LMAN1: variants seen among roughly 807,000 people sequenced by gnomAD.
The protein encoded by LMAN1 is protein ERGIC-53.
LMAN1 carries 32 observed loss-of-function variants against 67.8 expected under a neutral mutation model. The ratio of observed to expected loss-of-function variants is 0.47; its 90% confidence interval spans 0.36 to 0.63. The LOEUF is 0.63. LMAN1 is among the 30% of genes least tolerant of loss of function. The probability of loss-of-function intolerance (pLI) is 0.00; values close to 1 mark genes in which losing one functional copy is unlikely to be tolerated. For synonymous variants in LMAN1, 235 were observed against 219.3 expected (o/e 1.07, Z -0.63); for missense variants, 632 against 628.2 (o/e 1.01, Z -0.06).
Position 59,349,228 on chromosome 18 carries a change from G to T in LMAN1, c.648C>A (p.Ile216=). The change falls in exon 6 of 13, where the codon ATC becomes ATA. Residue 216 remains isoleucine, a synonymous_variant. Transcript: ENST00000251047. ...TTTTATCTGGTGTAAAGCCATTATTGATCATTACCTAGAAAGACATATCAT... is the reference window on the plus strand; with the variant it reads ...TTTTATCTGGTGTAAAGCCATTATTTATCATTACCTAGAAAGACATATCAT... ...TYYQNTLTVM[I]NNGFTPDKND... is the part of the protein sequence containing the mutation. 6.2e-7 allele frequency: 1 copy of T among 1,612,330 alleles called. No individual in the cohort carries two copies. The highest frequency in any genetic ancestry group is 1.1e-5 in the South Asian group (1 of 91,006).
intron 10 of LMAN1, among the ~76,000 whole-genome samples, chr18:59,337,193 A>G (rs932221455): frequency 6.7e-6 from 1 of 148,762 alleles, no homozygotes; most frequent in African/African-American, 2.4e-5. Flanking sequence ...ATAACATATT[A>G]TAATATATAA....
chr18:59,336,169 T>A (rs41333750), intron 10 of LMAN1, among the ~76,000 whole-genome samples: 8 of 152,206 alleles, frequency 5.3e-5, no homozygotes, highest in African/African-American at 1.4e-4. Context: ...TCCCTAGCTC[T>A]GTCCAGTAAG....
At chr18:59,346,721 T>C (rs539860082) in intron 7 of LMAN1, among the ~76,000 whole-genome samples, 4 of 151,378 alleles carry the variant, frequency 2.6e-5, no homozygotes, top group East Asian at 2.0e-4. Flanking sequence ...GGTTTTGCCA[T>C]GTTGGTCAGG....
In LMAN1 at chr18:59,353,190, G is replaced by A. The variant is rs748761171; in HGVS notation, c.639+12C>T. On this transcript the variant is annotated intron_variant, in intron 5 of 12. Coordinates refer to ENST00000251047, the MANE Select transcript of LMAN1 (RefSeq NM_005570.4). ...TTGTTTATTTGATTCTCTCTAAATA[G>A]ATGTTACTTACTGTCAGTGTGTTCT... The A allele has an allele frequency of 1.1e-5, 18 of 1,577,774 alleles. No homozygotes were observed. Among genetic ancestry groups the A allele is most frequent in the Non-Finnish European group, 1.4e-5 (16 of 1,146,960 alleles).
chr18:59,357,427 TGTG>T (rs1236004584), intron 1 of LMAN1, among the ~76,000 whole-genome samples: 1 of 152,132 alleles, frequency 6.6e-6, no homozygotes, highest in Non-Finnish European at 1.5e-5. Context: ...GAAGTGAAAA[TGTG>T]TGAACAAATC....
At chr18:59,342,854 G>C (rs906574376) in intron 8 of LMAN1, among the ~76,000 whole-genome samples, 16 of 151,994 alleles carry the variant, frequency 1.1e-4, no homozygotes, top group Non-Finnish European at 4.4e-5. Flanking sequence ...AAATGAGTAA[G>C]TAACATTATC....
intron 10 of LMAN1, 139 bp from the exon 11 acceptor site, chr18:59,333,383 A>C: frequency 1.5e-6 from 1 of 669,180 alleles, no homozygotes; most frequent in African/African-American, 1.8e-5. Context: ...ATCTTTAAAA[A>C]TCGAGTTGTG....
At chr18:59,351,291 A>AAT (rs1473331492) in intron 5 of LMAN1, 1 of 152,224 alleles carries the variant, frequency 6.6e-6, no homozygotes, top group African/African-American at 2.4e-5. Flanking sequence ...AAAATACTCT[A>AAT]AGAGTTTAGG....
In LMAN1 at chr18:59,329,855, A is replaced by G. The variant is rs2070736789; in HGVS notation, c.*1238T>C. 6.6e-6 allele frequency: 1 copy of G among 152,186 alleles called. No individual in the cohort carries two copies. Among genetic ancestry groups the G allele is most frequent in the Admixed American group, 6.5e-5 (1 of 15,276 alleles). 9.4% of individuals were successfully genotyped at this position (152,186 alleles called of 1,614,324 possible). A position where few individuals can be genotyped will look rare whatever the true frequency, so the allele number is the denominator to read the frequency against. On this transcript the variant is annotated 3_prime_UTR_variant, in exon 13 of 13. Transcript: ENST00000251047. Reference sequence around the variant, plus strand: ...AACCATTTTAGCTAAAAGAAGTAAAAGAGTATTTTGAAGGCAGCAAAAATC... The same window carrying G: ...AACCATTTTAGCTAAAAGAAGTAAAGGAGTATTTTGAAGGCAGCAAAAATC...
chr18:59,336,705 A>G (rs1568113078), intron 10 of LMAN1, among the ~76,000 whole-genome samples: 1 of 152,010 alleles, frequency 6.6e-6, no homozygotes, highest in East Asian at 1.9e-4. Flanking sequence ...GCAACATGGC[A>G]AAATCCCAAC....
At chr18:59,354,905 A>C (rs1257257698) in intron 3 of LMAN1, among the ~76,000 whole-genome samples, 1 of 152,234 alleles carries the variant, frequency 6.6e-6, no homozygotes, top group African/African-American at 2.4e-5. Flanking sequence ...ATCAAAAAGA[A>C]TGATTAACAT....
At position 59,359,249 on chromosome 18, in the gene LMAN1, G is replaced by A. The variant is rs765835101; in HGVS notation, c.-5C>T. 7.3e-5 allele frequency: 118 copies of A among 1,613,336 alleles called. No homozygotes were observed. The highest frequency in any genetic ancestry group is 1.7e-4 in the Admixed American group (10 of 59,994). Reference sequence around the variant, plus strand: ...CCTTTGCCTGGATCCCGCCATCTTGGATTCTGGAACGCGGAGGAGGGCGGG... The same window carrying A: ...CCTTTGCCTGGATCCCGCCATCTTGAATTCTGGAACGCGGAGGAGGGCGGG... On this transcript the variant is annotated 5_prime_UTR_variant, in exon 1 of 13. Transcript: ENST00000251047.
At chr18:59,337,157 T>C (rs372069193) in intron 10 of LMAN1, among the ~76,000 whole-genome samples, 1 of 148,418 alleles carries the variant, frequency 6.7e-6, no homozygotes. Context: ...ACCAATCTTA[T>C]ATAATAATAT....
intron 8 of LMAN1, among the ~76,000 whole-genome samples, chr18:59,339,692 G>A (rs1908244226): frequency 6.6e-6 from 1 of 152,204 alleles, no homozygotes. Context: ...TGCAGTCGCT[G>A]CAATGTTCCA....
rs150846809 is a variant in LMAN1 at position 59,346,946 on chromosome 18, C to G, written c.822+567G>C. Among the ~76,000 whole-genome samples, 724 of 151,476 alleles carry G rather than the reference C, an allele frequency of 4.8e-3. 7 individuals are homozygous for G. The highest frequency in any genetic ancestry group is 6.5e-3 in the Non-Finnish European group (438 of 67,856). On this transcript the variant is annotated intron_variant, in intron 7 of 12. Transcript: ENST00000251047. ...CTGTTTTAGCAATTAAGAAATGAAG[C>G]GTGGCCGAGCGTGGTGGCTCACACC... is the stretch of plus-strand genomic sequence containing the variant.
rs1908638998 is a variant in LMAN1 at position 59,355,438 on chromosome 18, G to A, written c.370-18C>T. On this transcript the variant is annotated intron_variant, in intron 2 of 12. Coordinates refer to ENST00000251047, the MANE Select transcript of LMAN1 (RefSeq NM_005570.4). ...CAAATTGCCTGAAAATATGTAATAG[G>A]GAACAGTTAGAGGCTAGTGGTATAT... 6.2e-7 allele frequency: 1 copy of A among 1,613,834 alleles called. No homozygotes were observed. Among genetic ancestry groups the A allele is most frequent in the Non-Finnish European group, 8.5e-7 (1 of 1,179,776 alleles).
rs977557301 is a variant in LMAN1, at chr18:59,359,049, A to G, written c.196T>C (p.Phe66Leu). The G allele has an allele frequency of 2.5e-6, 4 of 1,613,868 alleles. No homozygotes were observed. The highest frequency in any genetic ancestry group is 2.7e-5 in the African/African-American group (2 of 74,924). ...HLVQSDGTVP[F>L]WAHAGNAIPS... ...GGCTTACTCCCCGCGTGGGCCCAGA[A>G]GGGCACGGTCCCGTCGCTCTGCACC... The change falls in exon 1 of 13, where the codon TTC becomes CTC. Residue 66 changes from phenylalanine to leucine, a missense_variant. By Grantham distance (22) the Phe-to-Leu change is conservative. Transcript: ENST00000251047.
At position 59,330,928 on chromosome 18, in the gene LMAN1, G is replaced by GT. The variant is rs2070743497; in HGVS notation, c.*164dup. 5 of 618,552 alleles carry GT rather than the reference G, an allele frequency of 8.1e-6. No homozygotes were observed. The East Asian group carries it at 1.4e-4, about 17-fold the overall frequency. 38.3% of individuals were successfully genotyped at this position (618,552 alleles called of 1,614,324 possible). On this transcript the variant is annotated 3_prime_UTR_variant, in exon 13 of 13. Coordinates refer to ENST00000251047, the MANE Select transcript of LMAN1 (RefSeq NM_005570.4). ...CATACTGTGAACAAATTAAAATGTG[G>GT]TTGTCTTTGCTTTAAGGTTTATTCT...
At chr18:59,345,867 C>T (rs180713711) in intron 8 of LMAN1, 52 bp downstream of exon 8, 2 of 1,610,126 alleles carry the variant, frequency 1.2e-6, no homozygotes, top group East Asian at 4.5e-5. Context: ...CGTCCATGAT[C>T]AACAGCCTCA....
Sources: gnomAD v4.1 joint callset for allele counts (sites outside exome capture counted in the v4.1 genomes callset) on GRCh38, gnomAD v4.1.1 for gene constraint, MANE v1.5 for transcripts, NCBI Gene and HGNC (gene_info 2026-07-23, HGNC 2026-07-21) for gene names.